The following FHOD3 variants were observed in gnomAD, a reference collection of about 807,000 sequenced individuals.
FHOD3 encodes formin homology 2 domain containing 3.
Under a neutral mutation model 173.0 loss-of-function variants are expected in FHOD3, and 90 were observed. That is an observed-to-expected ratio of 0.52 (90% CI 0.44 to 0.62). The LOEUF (loss-of-function observed/expected upper bound fraction) is 0.62. Among genes scored for constraint, FHOD3 ranks in the 20% least tolerant of loss-of-function variants. The pLI is 0.00. For missense variants in FHOD3, 1,945 were observed against 2,034.7 expected (o/e 0.96, Z 0.85); for synonymous variants, 828 against 823.0 (o/e 1.01, Z -0.10).
chr18:36,310,506 C>T (rs1049874769), intron 1 of FHOD3, among the ~76,000 whole-genome samples: 1 of 151,576 alleles, frequency 6.6e-6, no homozygotes, highest in Non-Finnish European at 1.5e-5. Context: ...GCCAACATGG[C>T]GAAACCCCAT....
intron 9 of FHOD3, among the ~76,000 whole-genome samples, chr18:36,620,241 C>T (rs2033596742): frequency 6.6e-6 from 1 of 152,200 alleles, no homozygotes; most frequent in Admixed American, 6.5e-5. Flanking sequence ...CCACACTCAA[C>T]TTCTCCTGTT....
intron 6 of FHOD3, among the ~76,000 whole-genome samples, chr18:36,594,257 G>A (rs2148348838): frequency 6.6e-6 from 1 of 152,258 alleles, no homozygotes; most frequent in East Asian, 1.9e-4. Flanking sequence ...CCAGGGAGTA[G>A]GGGTTCTATG....
chr18:36,339,619 C>T (rs1291761181), intron 1 of FHOD3, among the ~76,000 whole-genome samples: 1 of 152,204 alleles, frequency 6.6e-6, no homozygotes, highest in Admixed American at 6.5e-5. Flanking sequence ...CCTCACCCCG[C>T]CCAGGGACTT....
intron 5 of FHOD3, among the ~76,000 whole-genome samples, chr18:36,571,992 G>A (rs1286473606): frequency 6.6e-6 from 1 of 152,180 alleles, no homozygotes; most frequent in African/African-American, 2.4e-5. Context: ...TGGAGAGCTT[G>A]CTCCCTGTTT....
intron 5 of FHOD3, among the ~76,000 whole-genome samples, chr18:36,551,582 G>A (rs2057659560): frequency 6.6e-6 from 1 of 152,138 alleles, no homozygotes; most frequent in Non-Finnish European, 1.5e-5. Flanking sequence ...CCATGCCTAT[G>A]TCCTGAATGG....
At chr18:36,425,699 TATTGA>T (rs930445436) in intron 3 of FHOD3, among the ~76,000 whole-genome samples, 1 of 152,178 alleles carries the variant, frequency 6.6e-6, no homozygotes, top group Non-Finnish European at 1.5e-5. Context: ...AAATTCTTGT[TATTGA>T]ATTGTTGCTT....
At chr18:36,306,409 G>A (rs538502164) in intron 1 of FHOD3, among the ~76,000 whole-genome samples, 1 of 152,238 alleles carries the variant, frequency 6.6e-6, no homozygotes, top group Non-Finnish European at 1.5e-5. Context: ...GTCTGGTGGG[G>A]TGGAGGCTTC....
intron 3 of FHOD3, among the ~76,000 whole-genome samples, chr18:36,412,877 G>A (rs2049429706): frequency 1.3e-5 from 2 of 152,198 alleles, no homozygotes; most frequent in Admixed American, 6.5e-5. Context: ...CTGGGGCAAG[G>A]AGTGGTGGGG....
intron 3 of FHOD3, among the ~76,000 whole-genome samples, chr18:36,459,557 G>T (rs1392674179): frequency 6.6e-6 from 1 of 152,150 alleles, no homozygotes; most frequent in African/African-American, 2.4e-5. Context: ...CCTGCAGTGT[G>T]GGGGAAGACT....
At chr18:36,485,126 A>T (rs978136907) in intron 3 of FHOD3, among the ~76,000 whole-genome samples, 1 of 142,004 alleles carries the variant, frequency 7.0e-6, no homozygotes, top group African/African-American at 2.7e-5. Flanking sequence ...CAAGAACTTC[A>T]TCTCTTGTGA....
At chr18:36,544,018 T>C (rs2057324108) in intron 5 of FHOD3, among the ~76,000 whole-genome samples, 1 of 152,206 alleles carries the variant, frequency 6.6e-6, no homozygotes, top group Non-Finnish European at 1.5e-5. Flanking sequence ...TGTAAGATGG[T>C]TTTAACATCT....
At chr18:36,344,371 G>A (rs1051406277) in intron 1 of FHOD3, among the ~76,000 whole-genome samples, 1 of 152,056 alleles carries the variant, frequency 6.6e-6, no homozygotes. Flanking sequence ...CTGGCACAGT[G>A]GGACACACCT....
intron 3 of FHOD3, among the ~76,000 whole-genome samples, chr18:36,490,854 C>A (rs921633006): frequency 2.0e-5 from 3 of 152,238 alleles, no homozygotes; most frequent in African/African-American, 7.2e-5. Flanking sequence ...AACAAAGAAG[C>A]ATCTGGAACA....
At chr18:36,482,850 CACACACACAGAGAGAGAGAG>C (rs1427094337) in intron 3 of FHOD3, among the ~76,000 whole-genome samples, 199 of 104,356 alleles carry the variant, frequency 1.9e-3, no homozygotes, top group Non-Finnish European at 2.8e-3. Flanking sequence ...CACACACTCA[CACACACACAGAGAGAGAGAG>C]AGAGAGAGAG....
chr18:36,308,057 A>G (rs774642017), intron 1 of FHOD3, among the ~76,000 whole-genome samples: 2 of 152,214 alleles, frequency 1.3e-5, no homozygotes, highest in Non-Finnish European at 2.9e-5. Context: ...TCCATGAGGG[A>G]AAGTGCTCTT....
chr18:36,448,997 C>T (rs1244342179), intron 3 of FHOD3, among the ~76,000 whole-genome samples: 1 of 151,754 alleles, frequency 6.6e-6, no homozygotes, highest in African/African-American at 2.4e-5. Flanking sequence ...TCTCGGTGTC[C>T]CCTTTATCTG....
chr18:36,719,212 C>T (rs1012597650), intron 19 of FHOD3, among the ~76,000 whole-genome samples: 1 of 152,254 alleles, frequency 6.6e-6, no homozygotes, highest in African/African-American at 2.4e-5. Context: ...AGCCAGCATT[C>T]TGCAGCTATC....
chr18:36,703,716 T>A (rs1439553059), intron 17 of FHOD3, among the ~76,000 whole-genome samples: 5 of 152,208 alleles, frequency 3.3e-5, no homozygotes, highest in Non-Finnish European at 7.3e-5. Context: ...AGTGATGGTC[T>A]GCCCTGGCGG....
At chr18:36,617,569 G>A (rs534781129) in intron 9 of FHOD3, among the ~76,000 whole-genome samples, 15 of 137,674 alleles carry the variant, frequency 1.1e-4, no homozygotes, top group Admixed American at 3.7e-4. Context: ...TACTACGAGA[G>A]TTCTTGTACT....
Sources: gnomAD v4.1 joint callset for allele counts (sites outside exome capture counted in the v4.1 genomes callset) on GRCh38, gnomAD v4.1.1 for gene constraint, MANE v1.5 for transcripts, NCBI Gene and HGNC (gene_info 2026-07-23, HGNC 2026-07-21) for gene names.